PSME4: variants seen among roughly 807,000 people sequenced by gnomAD.
The protein encoded by PSME4 is proteasome activator subunit 4.
In PSME4, 89 loss-of-function variants were observed where a neutral mutation model predicts 253.9. The observed-to-expected ratio is 0.35, with a 90% CI of 0.30 to 0.42. PSME4 has a LOEUF of 0.42. PSME4 is among the 10% of genes least tolerant of loss of function. The pLI is 1.00. For missense variants in PSME4, 2,014 were observed against 2,195.2 expected (o/e 0.92, Z 1.65); for synonymous variants, 851 against 759.2 (o/e 1.12, Z -1.99).
chr2:53,950,815 TG>T (rs1473113627), intron 1 of PSME4, among the ~76,000 whole-genome samples: 2 of 131,250 alleles, frequency 1.5e-5, no homozygotes, highest in Admixed American at 1.8e-4. Flanking sequence ...CACTCCAGCC[TG>T]GGCAACAAGA....
intron 24 of PSME4, among the ~76,000 whole-genome samples, chr2:53,907,261 A>C (rs1186387554): frequency 6.6e-6 from 1 of 152,200 alleles, no homozygotes; most frequent in Non-Finnish European, 1.5e-5. Flanking sequence ...AAATATGTTT[A>C]CTACAAAATT....
intron 17 of PSME4, 110 bp from the exon 18 acceptor site, chr2:53,921,214 TTTAA>T (rs1668300242): frequency 3.4e-6 from 5 of 1,468,522 alleles, no homozygotes; most frequent in Non-Finnish European, 4.5e-6. Context: ...TCTAAATGAC[TTTAA>T]TTAATTTTAG....
chr2:53,875,272 A>G (rs1679067528), intron 42 of PSME4, among the ~76,000 whole-genome samples: 1 of 152,248 alleles, frequency 6.6e-6, no homozygotes, highest in African/African-American at 2.4e-5. Context: ...CAGTCAGTAT[A>G]GGTCTCTCTA....
chr2:53,939,799 T>C (rs967092496), intron 4 of PSME4, among the ~76,000 whole-genome samples, 157 bp downstream of exon 4: 2 of 152,196 alleles, frequency 1.3e-5, no homozygotes, highest in South Asian at 2.1e-4. Flanking sequence ...ATCTGAGAAG[T>C]TCAGTTAATG....
At chr2:53,954,247 G>C (rs534138802) in intron 1 of PSME4, among the ~76,000 whole-genome samples, 336 of 152,134 alleles carry the variant, frequency 2.2e-3, no homozygotes, top group Non-Finnish European at 4.0e-3. Context: ...AGAATCGCTT[G>C]AACCCGGGAG....
rs553102230 is a variant in PSME4 at position 53,864,278 on chromosome 2, T to C, written c.*1300A>G. On this transcript the variant is annotated 3_prime_UTR_variant, in exon 47 of 47. Transcript: ENST00000404125. Reference sequence around the variant, plus strand: ...TTTAAGGAAGACTGTACAGGGTGTGTTGCAAGATGACATTCACCAATTTGT... The same window carrying C: ...TTTAAGGAAGACTGTACAGGGTGTGCTGCAAGATGACATTCACCAATTTGT... 6.6e-6 allele frequency: 1 copy of C among 152,552 alleles called. No homozygotes were observed. Among genetic ancestry groups the C allele is most frequent in the South Asian group, 2.1e-4 (1 of 4,824 alleles). 9.4% of individuals were successfully genotyped at this position (152,552 alleles called of 1,614,324 possible).
intron 4 of PSME4, 136 bp from the exon 5 acceptor site, chr2:53,937,676 A>C: frequency 2.6e-6 from 2 of 770,280 alleles, no homozygotes; most frequent in Admixed American, 2.8e-5. Context: ...ACAAATGTCC[A>C]AACTAACACA....
intron 14 of PSME4, 24 bp from the exon 15 acceptor site, chr2:53,923,443 A>C (rs1668416035): frequency 6.4e-7 from 1 of 1,557,442 alleles, no homozygotes; most frequent in Admixed American, 2.2e-5. Flanking sequence ...AAAATGTTTA[A>C]TGAGCATTTT....
chr2:53,925,831 T>C (rs566014782), intron 13 of PSME4, 128 bp downstream of exon 13: 2 of 1,264,222 alleles, frequency 1.6e-6, no homozygotes, highest in African/African-American at 3.0e-5. Flanking sequence ...CGATTATCCT[T>C]TTATAACTTC....
intron 1 of PSME4, among the ~76,000 whole-genome samples, chr2:53,960,772 G>A (rs1197218433): frequency 6.6e-6 from 1 of 152,124 alleles, no homozygotes; most frequent in Non-Finnish European, 1.5e-5. Context: ...AGTTGCTTTT[G>A]AATTTTTTTT....
intron 17 of PSME4, 79 bp downstream of exon 17, chr2:53,922,438 T>C (rs1197138844): frequency 6.8e-7 from 1 of 1,463,614 alleles, no homozygotes; most frequent in African/African-American, 1.4e-5. Context: ...TTTAAAGTCA[T>C]TTTGTCAGAA....
intron 44 of PSME4, among the ~76,000 whole-genome samples, chr2:53,868,315 A>G (rs1271645452): frequency 1.3e-5 from 2 of 151,110 alleles, no homozygotes; most frequent in Non-Finnish European, 2.9e-5. Context: ...AGCCAGGTGT[A>G]GTAGCGCGCG....
chr2:53,946,395 C>T (rs1669701447), intron 3 of PSME4, among the ~76,000 whole-genome samples: 1 of 152,212 alleles, frequency 6.6e-6, no homozygotes, highest in East Asian at 1.9e-4. Flanking sequence ...TCCCTGAGAT[C>T]TATGAAATAG....
At chr2:53,873,238 C>CAAAAAAAAAAAAAAAAAAAAAAAAA (rs60203960) in intron 43 of PSME4, among the ~76,000 whole-genome samples, 2 of 123,150 alleles carry the variant, frequency 1.6e-5, no homozygotes, top group Admixed American at 8.3e-5. Flanking sequence ...GACTCCGTCT[C>CAAAAAAAAAAAAAAAAAAAAAAAAA]AAAAAAAAAG....
In PSME4 at chr2:53,940,032, T is replaced by C. The variant is rs762941521; in HGVS notation, c.501-32A>G. 5 of 1,483,190 alleles carry C rather than the reference T, an allele frequency of 3.4e-6. No individual in the cohort carries two copies. In the South Asian group the frequency reaches 3.6e-5, roughly 11 times the overall value. The allele number at this position is 1,483,190 out of a possible 1,614,324, so 91.9% of individuals were successfully genotyped here. The stretch of plus-strand genomic sequence containing the variant: ...GGGGAAAGCCATTTGATAATTAGAT[T>C]GGTGTATTTTAAGAACATATCTAAT... On this transcript the variant is annotated intron_variant, in intron 3 of 46. Coordinates refer to ENST00000404125, the MANE Select transcript of PSME4 (RefSeq NM_014614.3).
chr2:53,885,990 C>T (rs1414082524), intron 40 of PSME4, among the ~76,000 whole-genome samples: 1 of 152,158 alleles, frequency 6.6e-6, no homozygotes, highest in East Asian at 1.9e-4. Flanking sequence ...CATAAAAAGA[C>T]ATTATCCAGA....
chr2:53,950,484 A>T (rs1031372140), intron 1 of PSME4, among the ~76,000 whole-genome samples: 1 of 152,220 alleles, frequency 6.6e-6, no homozygotes, highest in African/African-American at 2.4e-5. Context: ...CCAAAATTAC[A>T]TTTTTAATTT....
intron 44 of PSME4, 158 bp downstream of exon 44, chr2:53,869,218 T>C: frequency 1.5e-6 from 1 of 651,104 alleles, no homozygotes. Context: ...AAGTCCTGCT[T>C]TCTATATGCA....
chr2:53,885,449 T>A (rs1299577830), intron 41 of PSME4, among the ~76,000 whole-genome samples: 1 of 152,196 alleles, frequency 6.6e-6, no homozygotes, highest in African/African-American at 2.4e-5. Flanking sequence ...AGCTACCAGG[T>A]AAAACAATAT....
Sources: allele counts gnomAD v4.1 joint callset (sites outside exome capture counted in the v4.1 genomes callset), GRCh38; gene constraint gnomAD v4.1.1; transcripts MANE v1.5; gene names NCBI Gene and HGNC (gene_info 2026-07-23, HGNC 2026-07-21).